The following PLEKHM3 variants were observed in gnomAD, a reference collection of about 807,000 sequenced individuals.
PLEKHM3 encodes pleckstrin homology domain-containing family M member 3.
Under a neutral mutation model 81.8 loss-of-function variants are expected in PLEKHM3, and 45 were observed. The observed-to-expected ratio is 0.55, with a 90% CI of 0.43 to 0.71. PLEKHM3 has a LOEUF of 0.71. PLEKHM3 is among the 30% of genes least tolerant of loss of function. The probability of loss-of-function intolerance (pLI) is 0.00; values close to 1 mark genes in which losing one functional copy is unlikely to be tolerated. For missense variants in PLEKHM3, 788 were observed against 924.3 expected, an observed-to-expected ratio of 0.85 and a Z score of 1.91; for synonymous variants, 352 against 356.4, an observed-to-expected ratio of 0.99 and a Z score of 0.14.
At chr2:207,998,035 C>G (rs1042970691) in intron 2 of PLEKHM3, among the ~76,000 whole-genome samples, 2 of 152,210 alleles carry the variant, frequency 1.3e-5, no homozygotes, top group Non-Finnish European at 2.9e-5. Flanking sequence ...AGGTGATCAG[C>G]CATGCAATCT....
At position 208,001,611 on chromosome 2, in the gene PLEKHM3, C is replaced by A. The variant is rs2106092822; in HGVS notation, c.29G>T (p.Ser10Ile). 1 of 1,613,968 alleles carries A rather than the reference C, an allele frequency of 6.2e-7. No homozygotes were observed. The highest frequency in any genetic ancestry group is 1.7e-5 in the Admixed American group (1 of 60,006). Reference sequence around the variant, plus strand: ...TTCCTCCGTAACTTCTAAGGCTGGGCTGATATCATCCACTTCCAAAGCTTC... The same window carrying A: ...TTCCTCCGTAACTTCTAAGGCTGGGATGATATCATCCACTTCCAAAGCTTC... MEALEVDDISPALEVTEEFF... is the reference protein window; with the variant it reads MEALEVDDIIPALEVTEEFF... Residue 10 changes from serine (S) to isoleucine (I), a missense_variant, in exon 2 of 8, where the codon AGC becomes ATC. Coordinates refer to ENST00000427836, the MANE Select transcript of PLEKHM3 (RefSeq NM_001080475.3).
chr2:208,006,890 C>T lies in PLEKHM3; in HGVS notation c.-318-4933G>A, dbSNP rs578234620. On this transcript the variant is annotated intron_variant, in intron 1 of 7. Coordinates refer to ENST00000427836, the MANE Select transcript of PLEKHM3 (RefSeq NM_001080475.3). Reference sequence around the variant, plus strand: ...AAAGAATCCTATGCATGCATCAAAACGAATCAGTGTATCGCTATTTCCTAA... The same window carrying T: ...AAAGAATCCTATGCATGCATCAAAATGAATCAGTGTATCGCTATTTCCTAA... Among the ~76,000 whole-genome samples, 4 of 152,290 alleles carry T rather than the reference C, an allele frequency of 2.6e-5. No individual in the cohort carries two copies. The East Asian group carries it at 5.8e-4, about 22-fold the overall frequency.
rs2092251192 is a variant in PLEKHM3, at chr2:207,826,318, A to C, written c.*2001T>G. On this transcript the variant is annotated 3_prime_UTR_variant, in exon 8 of 8. Transcript: ENST00000427836. ...ATTTTACCAAGAGGAGGAGGAAAGG[A>C]GATGATCAAATTTGTTTGCCTGTTG... The C allele has an allele frequency of 6.6e-6, 1 of 152,182 alleles. No individual in the cohort carries two copies. Among genetic ancestry groups the C allele is most frequent in the Non-Finnish European group, 1.5e-5 (1 of 68,042 alleles). The allele number at this position is 152,182 out of a possible 1,614,324, so 9.4% of individuals were successfully genotyped here.
intron 3 of PLEKHM3, among the ~76,000 whole-genome samples, chr2:207,966,351 TAAG>T (rs1690906616): frequency 6.6e-6 from 1 of 152,162 alleles, no homozygotes; most frequent in Non-Finnish European, 1.5e-5. Context: ...TTTTCTTAAA[TAAG>T]AAAAAATACA....
intron 5 of PLEKHM3, among the ~76,000 whole-genome samples, chr2:207,918,968 T>C (rs1201079519): frequency 6.6e-6 from 1 of 151,952 alleles, no homozygotes; most frequent in Non-Finnish European, 1.5e-5. Context: ...TTAATGGTAA[T>C]AAGTAAGCAG....
chr2:207,848,381 A>G (rs1307235010), intron 7 of PLEKHM3, among the ~76,000 whole-genome samples: 1 of 152,142 alleles, frequency 6.6e-6, no homozygotes, highest in Admixed American at 6.5e-5. Flanking sequence ...TTGGCAGGTA[A>G]GTAAGTGACA....
rs537922877 is a variant in PLEKHM3 at position 207,978,425 on chromosome 2, C to T, written c.611-839G>A. ...AATACACAAGAGAGAACGTGCCTTC[C>T]GCCACTGGACCTAACTCCCTGCTAA... is the stretch of plus-strand genomic sequence containing the variant. On this transcript the variant is annotated intron_variant, in intron 2 of 7. Transcript: ENST00000427836. Among the ~76,000 whole-genome samples the T allele has an allele frequency of 8.5e-5, 13 of 152,110 alleles. No individual in the cohort carries two copies. In the South Asian group the frequency reaches 1.0e-3, roughly 12 times the overall value.
intron 6 of PLEKHM3, among the ~76,000 whole-genome samples, chr2:207,861,527 AC>A (rs3830231): frequency 0.23 from 34,932 of 152,118 alleles, 4,438 homozygotes; most frequent in Non-Finnish European, 0.29. Context: ...CTGAGGCCCA[AC>A]AAATGGGGAA....
chr2:207,904,411 C>T (rs1162896269), intron 6 of PLEKHM3, among the ~76,000 whole-genome samples: 1 of 152,146 alleles, frequency 6.6e-6, no homozygotes, highest in Non-Finnish European at 1.5e-5. Flanking sequence ...GCCAGGTTTA[C>T]TTGGCTCCAT....
In PLEKHM3 at chr2:207,898,757, G is replaced by A. The variant is rs139353490; in HGVS notation, c.1950+9757C>T. On this transcript the variant is annotated intron_variant, in intron 6 of 7. Coordinates refer to ENST00000427836, the MANE Select transcript of PLEKHM3 (RefSeq NM_001080475.3). ...AAACATTTTAAAAATCAGCCGTAGC[G>A]TGGTGGCGCGTGCCTATGGTTTCAG... Among the ~76,000 whole-genome samples the A allele has an allele frequency of 1.1e-4, 16 of 152,112 alleles. 1 individual carries two copies. The South Asian group carries it at 1.5e-3, about 14-fold the overall frequency.
chr2:207,860,253 C>T (rs1372801709), intron 7 of PLEKHM3, among the ~76,000 whole-genome samples: 1 of 146,216 alleles, frequency 6.8e-6, no homozygotes, highest in Non-Finnish European at 1.5e-5. Context: ...GTGTGTGGGC[C>T]AACCCAAATT....
intron 3 of PLEKHM3, among the ~76,000 whole-genome samples, chr2:207,970,323 C>T (rs892059089): frequency 2.0e-5 from 3 of 151,494 alleles, no homozygotes; most frequent in Admixed American, 2.0e-4. Context: ...AGGAAAATGC[C>T]CCCCCACCCC....
intron 2 of PLEKHM3, among the ~76,000 whole-genome samples, chr2:207,995,871 G>A (rs1432429460): frequency 6.6e-6 from 1 of 152,100 alleles, no homozygotes; most frequent in African/African-American, 2.4e-5. Flanking sequence ...CCCCATTCTA[G>A]GAAAGCAGTG....
rs142319319 is a variant in PLEKHM3 at position 207,994,771 on chromosome 2, C to T, written c.610+6259G>A. Among the ~76,000 whole-genome samples the T allele has an allele frequency of 4.7e-4, 71 of 152,224 alleles. No homozygotes were observed. The East Asian group carries it at 0.014, about 29-fold the overall frequency. On this transcript the variant is annotated intron_variant, in intron 2 of 7. Coordinates refer to ENST00000427836, the MANE Select transcript of PLEKHM3 (RefSeq NM_001080475.3). ...ATCACTTCATGATTTAACCCTGAGACAAAACTATTCAATCCTCAGATGATG... is the reference window on the plus strand; with the variant it reads ...ATCACTTCATGATTTAACCCTGAGATAAAACTATTCAATCCTCAGATGATG...
At chr2:207,936,816 T>C (rs1689768430) in intron 4 of PLEKHM3, among the ~76,000 whole-genome samples, 1 of 151,812 alleles carries the variant, frequency 6.6e-6, no homozygotes, top group Middle Eastern at 3.4e-3. Flanking sequence ...AATCTAAATG[T>C]CCACCAAAAA....
intron 2 of PLEKHM3, 37 bp downstream of exon 2, chr2:208,000,993 A>G: frequency 6.9e-7 from 1 of 1,452,182 alleles, no homozygotes; most frequent in Non-Finnish European, 9.1e-7. Context: ...AAAAAGAAAA[A>G]AAAAAAAAAG....
chr2:207,870,845 T>A (rs1390661425), intron 6 of PLEKHM3, among the ~76,000 whole-genome samples: 2 of 152,234 alleles, frequency 1.3e-5, no homozygotes, highest in East Asian at 3.8e-4. Flanking sequence ...TGGGGGCTGA[T>A]GCCTGTAATC....
intron 3 of PLEKHM3, among the ~76,000 whole-genome samples, chr2:207,963,506 A>G (rs975825916): frequency 1.3e-5 from 2 of 152,248 alleles, no homozygotes; most frequent in African/African-American, 2.4e-5. Flanking sequence ...AGAAAAAGTC[A>G]GAATGAAAGC....
chr2:207,933,501 T>C (rs763261173), intron 4 of PLEKHM3, among the ~76,000 whole-genome samples: 10 of 152,212 alleles, frequency 6.6e-5, no homozygotes, highest in Non-Finnish European at 1.5e-4. Flanking sequence ...ATTCAATTAG[T>C]CTTTCTGGCT....
Sources: allele counts gnomAD v4.1 joint callset (sites outside exome capture counted in the v4.1 genomes callset), GRCh38; gene constraint gnomAD v4.1.1; transcripts MANE v1.5; gene names NCBI Gene and HGNC (gene_info 2026-07-23, HGNC 2026-07-21).